Variants in ZDHHC14 observed in about 807,000 individuals in gnomAD.
ZDHHC14 encodes palmitoyltransferase ZDHHC14.
A neutral mutation model predicts 47.7 loss-of-function variants in ZDHHC14; 16 were observed. The observed-to-expected ratio is 0.34, with a 90% confidence interval of 0.23 to 0.51. The LOEUF is 0.51. ZDHHC14 is among the 20% of genes least tolerant of loss of function. The probability of loss-of-function intolerance (pLI) is 0.97; values close to 1 mark genes in which losing one functional copy is unlikely to be tolerated. For synonymous variants in ZDHHC14, 293 were observed against 278.9 expected, an observed-to-expected ratio of 1.05 and a Z score of -0.50; for missense variants, 515 against 662.5, an observed-to-expected ratio of 0.78 and a Z score of 2.44.
At chr6:157,540,910 GTATATATATA>G (rs1554264587) in intron 1 of ZDHHC14, among the ~76,000 whole-genome samples, 4 of 122,992 alleles carry the variant, frequency 3.3e-5, no homozygotes, top group African/African-American at 1.7e-4. Context: ...GTGTGTGTGT[GTATATATATA>G]TATATATATA....
intron 1 of ZDHHC14, among the ~76,000 whole-genome samples, chr6:157,515,017 T>TA (rs1237772871): frequency 2.0e-5 from 3 of 152,210 alleles, no homozygotes; most frequent in African/African-American, 7.2e-5. Flanking sequence ...GCTATGTATT[T>TA]AGTGAGAACA....
chr6:157,390,835 C>T (rs1777407227), intron 1 of ZDHHC14, among the ~76,000 whole-genome samples: 2 of 152,176 alleles, frequency 1.3e-5, no homozygotes, highest in African/African-American at 4.8e-5. Flanking sequence ...TTTAATAATT[C>T]CAACATCTAC....
intron 1 of ZDHHC14, among the ~76,000 whole-genome samples, chr6:157,528,803 CATTA>C (rs72147245): frequency 0.39 from 57,246 of 145,584 alleles, 11,219 homozygotes; most frequent in Admixed American, 0.46. Flanking sequence ...TGAGAGTGGG[CATTA>C]ATTAATTAAT....
At chr6:157,429,805 T>C (rs1050057776) in intron 1 of ZDHHC14, among the ~76,000 whole-genome samples, 2 of 152,064 alleles carry the variant, frequency 1.3e-5, no homozygotes, top group African/African-American at 4.8e-5. Flanking sequence ...TCCTAAGTGA[T>C]CTGGAAAGGG....
chr6:157,593,719 C>G (rs1005560267), intron 3 of ZDHHC14, among the ~76,000 whole-genome samples: 1 of 152,224 alleles, frequency 6.6e-6, no homozygotes, highest in Non-Finnish European at 1.5e-5. Flanking sequence ...AGGTCTGCAG[C>G]TGTAAGGCTG....
intron 5 of ZDHHC14, among the ~76,000 whole-genome samples, chr6:157,633,719 C>T (rs1239766562): frequency 6.6e-6 from 1 of 152,232 alleles, no homozygotes; most frequent in Non-Finnish European, 1.5e-5. Context: ...CTTACCCCAT[C>T]ACCCACCCAG....
At chr6:157,534,493 A>G (rs1265899120) in intron 1 of ZDHHC14, among the ~76,000 whole-genome samples, 3 of 151,702 alleles carry the variant, frequency 2.0e-5, no homozygotes, top group Non-Finnish European at 4.4e-5. Flanking sequence ...CCCTCCCATG[A>G]TTCACATGCT....
In ZDHHC14 at chr6:157,463,139, C is replaced by T. The variant is rs1212961427; in HGVS notation, c.246-79446C>T. On this transcript the variant is annotated intron_variant, in intron 1 of 8. Transcript: ENST00000359775. The surrounding 1 kb of genome is among the most constrained non-coding windows in gnomAD (Gnocchi z 4.4). ...CTATTCAGACATGCACGTGAGGCAGCTGGAAATGAGATCCTTCCATGGGAA... is the reference window on the plus strand; with the variant it reads ...CTATTCAGACATGCACGTGAGGCAGTTGGAAATGAGATCCTTCCATGGGAA... 1.3e-5 allele frequency among the ~76,000 whole-genome samples: 2 copies of T among 152,144 alleles called. No homozygotes were observed. Among genetic ancestry groups the T allele is most frequent in the East Asian group, 1.9e-4 (1 of 5,200 alleles).
intron 1 of ZDHHC14, among the ~76,000 whole-genome samples, chr6:157,465,415 A>G (rs930590745): frequency 2.0e-5 from 3 of 152,094 alleles, no homozygotes; most frequent in African/African-American, 7.2e-5. Flanking sequence ...GAAAGTCCCT[A>G]CTGAGTGTGG....
intron 1 of ZDHHC14, among the ~76,000 whole-genome samples, chr6:157,388,938 C>A (rs1481447504): frequency 2.0e-5 from 3 of 152,138 alleles, no homozygotes; most frequent in African/African-American, 4.8e-5. Flanking sequence ...ATTATCAGCA[C>A]CTTGCTTTGT....
At chr6:157,495,357 C>G (rs1780035135) in intron 1 of ZDHHC14, among the ~76,000 whole-genome samples, 1 of 152,144 alleles carries the variant, frequency 6.6e-6, no homozygotes, top group Non-Finnish European at 1.5e-5. Context: ...TGTACGTGCA[C>G]TGGGTGAGCA....
At chr6:157,496,567 G>A (rs545995290) in intron 1 of ZDHHC14, among the ~76,000 whole-genome samples, 1 of 152,314 alleles carries the variant, frequency 6.6e-6, no homozygotes, top group Non-Finnish European at 1.5e-5. Context: ...CATTTGGACA[G>A]AGATGGACAT....
intron 8 of ZDHHC14, 95 bp from the exon 9 acceptor site, chr6:157,672,629 A>ACCCCCC: frequency 1.3e-5 from 1 of 79,518 alleles, no homozygotes; most frequent in Non-Finnish European, 2.7e-5. Flanking sequence ...CTCGCACCCC[A>ACCCCCC]CCCTCCCCGC....
chr6:157,576,865 A>AT (rs899908783), intron 2 of ZDHHC14, among the ~76,000 whole-genome samples: 3 of 151,868 alleles, frequency 2.0e-5, no homozygotes, highest in African/African-American at 4.8e-5. Flanking sequence ...TAAGGAAAGA[A>AT]TTTTTTTTTA....
chr6:157,448,270 G>T (rs966637515), intron 1 of ZDHHC14, among the ~76,000 whole-genome samples: 9 of 152,106 alleles, frequency 5.9e-5, no homozygotes, highest in Non-Finnish European at 8.8e-5. Context: ...TAATTTCAGA[G>T]AAAAACTTTG....
intron 1 of ZDHHC14, among the ~76,000 whole-genome samples, chr6:157,464,123 T>C (rs767100545): frequency 2.6e-5 from 4 of 152,238 alleles, no homozygotes; most frequent in Non-Finnish European, 4.4e-5. Context: ...AGAAGTTCAG[T>C]CCATGTTTAA....
At chr6:157,550,623 G>A (rs573296199) in intron 2 of ZDHHC14, among the ~76,000 whole-genome samples, 37 of 152,360 alleles carry the variant, frequency 2.4e-4, no homozygotes, top group Non-Finnish European at 3.4e-4. Context: ...AGACACTCTA[G>A]AGAGACCATG....
chr6:157,524,249 C>A (rs568200154), intron 1 of ZDHHC14, among the ~76,000 whole-genome samples: 1 of 152,074 alleles, frequency 6.6e-6, no homozygotes, highest in South Asian at 2.1e-4. Context: ...CTGCCTCAGT[C>A]TCTTGAGTAC....
At chr6:157,625,462 G>A (rs1242225104) in intron 3 of ZDHHC14, among the ~76,000 whole-genome samples, 1 of 152,134 alleles carries the variant, frequency 6.6e-6, no homozygotes, top group Non-Finnish European at 1.5e-5. Flanking sequence ...GTGTAGAGTG[G>A]CATTTGGACC....
Sources: gnomAD v4.1 joint callset for allele counts (sites outside exome capture counted in the v4.1 genomes callset) on GRCh38, gnomAD v4.1.1 for gene constraint, Gnocchi (gnomAD v3.1) non-coding constraint, MANE v1.5 for transcripts, NCBI Gene and HGNC (gene_info 2026-07-23, HGNC 2026-07-21) for gene names.